Variants in LARS2 observed in about 807,000 individuals in gnomAD.
LARS2 encodes leucine--tRNA ligase, mitochondrial.
A neutral mutation model predicts 116.6 loss-of-function variants in LARS2; 81 were observed. That is an observed-to-expected ratio of 0.69 (90% confidence interval 0.58 to 0.84). The LOEUF is 0.84. Among genes scored for constraint, LARS2 ranks in the 40% least tolerant of loss-of-function variants. The pLI, the probability that LARS2 is intolerant of heterozygous loss-of-function variation, is 0.00. For missense variants in LARS2, 968 were observed against 1,114.5 expected, an observed-to-expected ratio of 0.87 and a Z score of 1.87; for synonymous variants, 396 against 407.2, an observed-to-expected ratio of 0.97 and a Z score of 0.33.
chr3:45,466,577 G>A (rs1699429373), intron 8 of LARS2, among the ~76,000 whole-genome samples: 1 of 152,080 alleles, frequency 6.6e-6, no homozygotes, highest in African/African-American at 2.4e-5. Flanking sequence ...CTTCCCAGGG[G>A]GCTGATTGCC....
chr3:45,524,923 C>T (rs1017376822), intron 20 of LARS2, among the ~76,000 whole-genome samples: 5 of 152,118 alleles, frequency 3.3e-5, no homozygotes, highest in Non-Finnish European at 5.9e-5. Context: ...ATTTGAAATT[C>T]CCACCACCCA....
At chr3:45,409,665 G>A (rs1055924185) in intron 4 of LARS2, among the ~76,000 whole-genome samples, 1 of 152,044 alleles carries the variant, frequency 6.6e-6, no homozygotes, top group Non-Finnish European at 1.5e-5. Context: ...TTGGTCACTG[G>A]GCTCTAGGAA....
intron 12 of LARS2, among the ~76,000 whole-genome samples, chr3:45,490,162 C>A (rs1699890162): frequency 6.6e-6 from 1 of 152,112 alleles, no homozygotes; most frequent in Non-Finnish European, 1.5e-5. Context: ...GACCCTTAGG[C>A]CTTTTTTTAG....
At chr3:45,513,874 G>C (rs1036133391) in intron 16 of LARS2, among the ~76,000 whole-genome samples, 1 of 152,072 alleles carries the variant, frequency 6.6e-6, no homozygotes, top group Non-Finnish European at 1.5e-5. Context: ...GATGTATCAC[G>C]TGCACCCAGC....
intron 3 of LARS2, among the ~76,000 whole-genome samples, chr3:45,398,800 A>G (rs1172524109): frequency 6.6e-6 from 1 of 152,210 alleles, no homozygotes; most frequent in African/African-American, 2.4e-5. Flanking sequence ...TCCTGCTGGC[A>G]CTGGGGGCAG....
chr3:45,496,189 C>A (rs1700008134), intron 13 of LARS2, 86 bp from the exon 14 acceptor site: 4 of 1,049,332 alleles, frequency 3.8e-6, no homozygotes, highest in Non-Finnish European at 5.9e-6. Context: ...ATTTTAAATT[C>A]ATACTTATAG....
rs115723243 is a variant in LARS2, at chr3:45,414,686, C to T, written c.364-2796C>T. On this transcript the variant is annotated intron_variant, in intron 4 of 21. Transcript: ENST00000645846. ...CGAGATTACGGTGAACTGATCGTGG[C>T]GCCACTGCACTTCAGCCTCGGCAAC... Among the ~76,000 whole-genome samples the T allele has an allele frequency of 1.8e-3, 277 of 151,558 alleles. 2 individuals are homozygous for T. Among genetic ancestry groups the T allele is most frequent in the African/African-American group, 5.9e-3 (243 of 41,264 alleles).
chr3:45,458,626 G>T (rs1699254640), intron 7 of LARS2, 117 bp from the exon 8 acceptor site: 2 of 941,122 alleles, frequency 2.1e-6, no homozygotes, highest in Admixed American at 4.5e-5. Flanking sequence ...GGTGGAGGTT[G>T]CAGTGAGTCG....
At chr3:45,399,788 C>G (rs11707177) in intron 3 of LARS2, among the ~76,000 whole-genome samples, 60,563 of 151,660 alleles carry the variant, frequency 0.4, 13,870 homozygotes, top group Non-Finnish European at 0.49. Flanking sequence ...CCTTCACCCC[C>G]CTTTCCACCC....
At chr3:45,488,926 C>G in intron 12 of LARS2, 114 bp downstream of exon 12, 2 of 747,208 alleles carry the variant, frequency 2.7e-6, no homozygotes, top group East Asian at 4.9e-5. Flanking sequence ...TACCTAACAG[C>G]CTTGTGGCCT....
At chr3:45,446,394 T>C (rs956385829) in intron 6 of LARS2, among the ~76,000 whole-genome samples, 1 of 152,184 alleles carries the variant, frequency 6.6e-6, no homozygotes, top group Non-Finnish European at 1.5e-5. Flanking sequence ...ATGGAATAAA[T>C]GGAATATACG....
At chr3:45,401,671 G>C (rs1359074463) in intron 4 of LARS2, among the ~76,000 whole-genome samples, 2 of 152,096 alleles carry the variant, frequency 1.3e-5, no homozygotes, top group East Asian at 3.9e-4. Context: ...CCCGGCTGGA[G>C]TGCTGTGGTT....
At chr3:45,443,014 CCACTAGATGCCAGTAGCACACATA>C (rs1297796494) in intron 6 of LARS2, among the ~76,000 whole-genome samples, 1 of 152,170 alleles carries the variant, frequency 6.6e-6, no homozygotes, top group Non-Finnish European at 1.5e-5. Context: ...TGGCCTCTAT[CCACTAGATGCCAGTAGCACACATA>C]CAGCATACAC....
chr3:45,394,564 C>T lies in LARS2; in HGVS notation c.111C>T (p.Thr37=). 2 of 1,614,040 alleles carry T rather than the reference C, an allele frequency of 1.2e-6. No homozygotes were observed. Among genetic ancestry groups the T allele is most frequent in the Non-Finnish European group, 1.7e-6 (2 of 1,179,920 alleles). Residue 37 remains threonine, a synonymous_variant, in exon 3 of 22, where the codon ACC becomes ACT. Coordinates refer to ENST00000645846, the MANE Select transcript of LARS2 (RefSeq NM_015340.4). ...AAAGGAGAGTAATTCCCGGATGTACCAGAAGCATCTACAGTGCCACGGGAA... is the reference window on the plus strand; with the variant it reads ...AAAGGAGAGTAATTCCCGGATGTACTAGAAGCATCTACAGTGCCACGGGAA... The part of the protein sequence containing the change: ...KWERRVIPGC[T]RSIYSATGKW...
intron 15 of LARS2, among the ~76,000 whole-genome samples, chr3:45,503,290 GT>G (rs1394167540): frequency 1.3e-5 from 2 of 152,034 alleles, no homozygotes; most frequent in Non-Finnish European, 2.9e-5. Context: ...CATCACCATG[GT>G]CAAGATAGGC....
intron 18 of LARS2, among the ~76,000 whole-genome samples, chr3:45,518,371 C>T (rs1216153256): frequency 6.6e-6 from 1 of 152,164 alleles, no homozygotes; most frequent in African/African-American, 2.4e-5. Context: ...CATGTTTCCA[C>T]ATTTAACACA....
At position 45,400,323 on chromosome 3, in the gene LARS2, TACACCATCAGCG is replaced by T; in HGVS notation, c.321_332del (p.Ser108_Ile111del). Reference sequence around the variant, plus strand: ...GCTGCACATGGGCCATGTGCGTGTCTACACCATCAGCGACACCATAGCACGGTTCCAGAAGAT... The same window carrying T: ...GCTGCACATGGGCCATGTGCGTGTCTACACCATAGCACGGTTCCAGAAGAT... On this transcript the variant is annotated inframe_deletion, in exon 4 of 22. Coordinates refer to ENST00000645846, the MANE Select transcript of LARS2 (RefSeq NM_015340.4). 1 of 1,613,988 alleles carries T rather than the reference TACACCATCAGCG, an allele frequency of 6.2e-7. No homozygotes were observed. Among genetic ancestry groups the T allele is most frequent in the Non-Finnish European group, 8.5e-7 (1 of 1,179,908 alleles).
intron 8 of LARS2, among the ~76,000 whole-genome samples, chr3:45,461,016 G>C (rs920130161): frequency 1.3e-5 from 2 of 151,988 alleles, no homozygotes; most frequent in Non-Finnish European, 2.9e-5. Context: ...TTGAAAAGAA[G>C]CAGGAAATTA....
chr3:45,397,310 C>T (rs1164455125), intron 3 of LARS2, among the ~76,000 whole-genome samples: 1 of 152,166 alleles, frequency 6.6e-6, no homozygotes, highest in Non-Finnish European at 1.5e-5. Context: ...AGGAAAATGA[C>T]TTAATTCATG....
Sources: gnomAD v4.1 joint callset for allele counts (sites outside exome capture counted in the v4.1 genomes callset) on GRCh38, gnomAD v4.1.1 for gene constraint, MANE v1.5 for transcripts, NCBI Gene and HGNC (gene_info 2026-07-23, HGNC 2026-07-21) for gene names.